The following ACAP2 variants were observed in gnomAD, a reference collection of about 807,000 sequenced individuals.
ACAP2 encodes the protein arf-GAP with coiled-coil, ANK repeat and PH domain-containing protein 2.
Under a neutral mutation model 115.8 loss-of-function variants are expected in ACAP2, and 39 were observed. The observed-to-expected ratio is 0.34, with a 90% CI of 0.26 to 0.44. The LOEUF (loss-of-function observed/expected upper bound fraction) is 0.44. ACAP2 is among the 20% of genes least tolerant of loss of function. The pLI is 1.00. For synonymous variants in ACAP2, 289 were observed against 315.8 expected (o/e 0.92, Z 0.90); for missense variants, 662 against 927.6 (o/e 0.71, Z 3.72).
chr3:195,384,902 T>C (rs527692083), intron 2 of ACAP2, among the ~76,000 whole-genome samples: 2 of 152,170 alleles, frequency 1.3e-5, no homozygotes, highest in South Asian at 4.1e-4. Context: ...AAAGTTTCCA[T>C]AAAAACAAAG....
At chr3:195,422,235 T>C (rs985404328) in intron 1 of ACAP2, among the ~76,000 whole-genome samples, 1 of 152,178 alleles carries the variant, frequency 6.6e-6, no homozygotes, top group Non-Finnish European at 1.5e-5. Context: ...TTAACTGATG[T>C]ATTTTAAAGC....
At chr3:195,304,497 C>A (rs2108975807) in intron 13 of ACAP2, among the ~76,000 whole-genome samples, 2 of 152,256 alleles carry the variant, frequency 1.3e-5, no homozygotes, top group African/African-American at 4.8e-5. Context: ...CAGGACAGTT[C>A]AATCCTACTG....
At chr3:195,356,235 T>C in intron 4 of ACAP2, 1 of 455,834 alleles carries the variant, frequency 2.2e-6, no homozygotes, top group South Asian at 1.5e-5. Flanking sequence ...CGGAACGCAG[T>C]GCTGCCAATC....
At chr3:195,279,885 C>CTGA (rs1362378585) in intron 22 of ACAP2, 7 of 152,292 alleles carry the variant, frequency 4.6e-5, no homozygotes, top group African/African-American at 1.4e-4. Flanking sequence ...TCAAGACAAA[C>CTGA]TGATAATCAG....
chr3:195,289,475 G>A (rs1560203607), intron 20 of ACAP2, among the ~76,000 whole-genome samples: 1 of 151,606 alleles, frequency 6.6e-6, no homozygotes, highest in Non-Finnish European at 1.5e-5. Context: ...TAGCATGGTG[G>A]ATATATAAGT....
intron 1 of ACAP2, among the ~76,000 whole-genome samples, chr3:195,403,233 G>A (rs560961833): frequency 3.3e-5 from 5 of 152,236 alleles, no homozygotes; most frequent in South Asian, 4.1e-4. Context: ...AGGCCTGTAC[G>A]GCCGAAACAG....
chr3:195,368,942 G>A (rs1009651360), intron 4 of ACAP2, among the ~76,000 whole-genome samples: 2 of 152,088 alleles, frequency 1.3e-5, no homozygotes, highest in East Asian at 3.9e-4. Context: ...AAATTAGCTG[G>A]GCATGGCGGT....
Position 195,441,199 on chromosome 3 carries a change from T to C in ACAP2, c.53+1596A>G, listed in dbSNP as rs1430001951. 2.0e-5 allele frequency among the ~76,000 whole-genome samples: 3 copies of C among 152,006 alleles called. No individual in the cohort carries two copies. In the South Asian group the frequency reaches 6.2e-4, roughly 31 times the overall value. Reference sequence around the variant, plus strand: ...TACATCTTCTAAGGGAAAAATGCTGTGATTATTTCACTTAAAAATAAATAG... The same window carrying C: ...TACATCTTCTAAGGGAAAAATGCTGCGATTATTTCACTTAAAAATAAATAG... On this transcript the variant is annotated intron_variant, in intron 1 of 22. Transcript: ENST00000326793.
intron 1 of ACAP2, among the ~76,000 whole-genome samples, chr3:195,412,632 G>A (rs1350434318): frequency 6.6e-6 from 1 of 151,694 alleles, no homozygotes; most frequent in Non-Finnish European, 1.5e-5. Flanking sequence ...TAAAAAATAA[G>A]ATTATGAAAT....
chr3:195,377,163 G>GTTTTTTTTTTTTTTTTTAA (rs1412992193), intron 4 of ACAP2, among the ~76,000 whole-genome samples: 1 of 37,306 alleles, frequency 2.7e-5, no homozygotes. Flanking sequence ...TTTTTTTTTG[G>GTTTTTTTTTTTTTTTTTAA]AAACAAGGTC....
intron 6 of ACAP2, among the ~76,000 whole-genome samples, chr3:195,340,509 A>T (rs756750333): frequency 1.3e-5 from 2 of 152,140 alleles, no homozygotes; most frequent in Non-Finnish European, 1.5e-5. Flanking sequence ...AAAAGAATAA[A>T]ACCAAAGATG....
chr3:195,304,008 A>G (rs981586328), intron 13 of ACAP2, among the ~76,000 whole-genome samples: 8 of 151,684 alleles, frequency 5.3e-5, no homozygotes, highest in African/African-American at 1.9e-4. Context: ...AAAAATACAA[A>G]AAAAAATTAG....
chr3:195,295,799 T>C lies in ACAP2; in HGVS notation c.1581A>G (p.Lys527=). ...CTTCAGAACTTTTAGAGACAAACTT[T>C]TTTTGCTGCTCAGGAGGTGATAATG... The part of the protein sequence containing the change: ...SISLSPPEQQ[K]KFVSKSSEEK... Residue 527 remains lysine (K), a synonymous_variant, in exon 17 of 23, where the codon AAA becomes AAG. Coordinates refer to ENST00000326793, the MANE Select transcript of ACAP2 (RefSeq NM_012287.6). 6.2e-7 allele frequency: 1 copy of C among 1,614,112 alleles called. No individual in the cohort carries two copies. Among genetic ancestry groups the C allele is most frequent in the South Asian group, 1.1e-5 (1 of 91,086 alleles).
chr3:195,307,145 T>C (rs1728476402), intron 12 of ACAP2, 78 bp downstream of exon 12: 1 of 1,195,548 alleles, frequency 8.4e-7, no homozygotes. Context: ...CAAATGCAAA[T>C]TTCTCTACTC....
intron 4 of ACAP2, among the ~76,000 whole-genome samples, chr3:195,367,282 G>C (rs1732793780): frequency 6.6e-6 from 1 of 152,154 alleles, no homozygotes; most frequent in South Asian, 2.1e-4. Context: ...TGCTGATGCT[G>C]CTGGTCCAGG....
At chr3:195,405,395 A>C (rs1206337725) in intron 1 of ACAP2, among the ~76,000 whole-genome samples, 2 of 152,248 alleles carry the variant, frequency 1.3e-5, no homozygotes, top group East Asian at 3.8e-4. Context: ...TGCTATAAAG[A>C]AACACCTGAG....
chr3:195,415,282 CT>C lies in ACAP2; in HGVS notation c.54-23136del, dbSNP rs60818924. ...GAAACTAAAGCAGCTCTAAAAAAGT[CT>C]TTTTTTTTTTTTTTGAGATGGAGTC... is the stretch of plus-strand genomic sequence containing the variant. On this transcript the variant is annotated intron_variant, in intron 1 of 22. Transcript: ENST00000326793. 3.3e-3 allele frequency among the ~76,000 whole-genome samples: 464 copies of C among 139,558 alleles called. 5 individuals carry two copies. Among genetic ancestry groups the C allele is most frequent in the Admixed American group, 4.7e-3 (65 of 13,836 alleles). The allele number at this position is 139,558 out of a possible 152,430, so 91.6% of individuals were successfully genotyped here. A position where few individuals can be genotyped will look rare whatever the true frequency, so the allele number is the denominator to read the frequency against.
intron 1 of ACAP2, among the ~76,000 whole-genome samples, chr3:195,403,376 G>A (rs569769630): frequency 7.2e-5 from 11 of 152,338 alleles, no homozygotes; most frequent in Admixed American, 7.2e-4. Context: ...CTGCACCAGA[G>A]AAGAACCATG....
At chr3:195,410,970 A>G (rs1713212590) in intron 1 of ACAP2, 1 of 390,472 alleles carries the variant, frequency 2.6e-6, no homozygotes, top group Admixed American at 2.8e-5. Flanking sequence ...CCAGACACTA[A>G]TCTGCTGGCA....
Sources: allele counts gnomAD v4.1 joint callset (sites outside exome capture counted in the v4.1 genomes callset), GRCh38; gene constraint gnomAD v4.1.1; transcripts MANE v1.5; gene names NCBI Gene and HGNC (gene_info 2026-07-23, HGNC 2026-07-21).